Variants in STX4 observed in about 807,000 individuals in gnomAD.
The protein encoded by STX4 is syntaxin 4, also known as syntaxin-4.
In STX4, 24 loss-of-function variants were observed where a neutral mutation model predicts 41.8. That is an observed-to-expected ratio of 0.57 (90% CI 0.42 to 0.81). The LOEUF (loss-of-function observed/expected upper bound fraction) is 0.81. Among genes scored for constraint, STX4 ranks in the 30% least tolerant of loss-of-function variants. The pLI, the probability that STX4 is intolerant of heterozygous loss-of-function variation, is 0.00. For synonymous variants in STX4, 158 were observed against 156.4 expected, an observed-to-expected ratio of 1.01 and a Z score of -0.08; for missense variants, 316 against 389.9, an observed-to-expected ratio of 0.81 and a Z score of 1.60.
rs1037975946 is a variant in STX4, at chr16:31,039,725, G to C, written c.816G>C (p.Lys272Asn). 1 of 1,614,226 alleles carries C rather than the reference G, an allele frequency of 6.2e-7. No individual in the cohort carries two copies. The highest frequency in any genetic ancestry group is 8.5e-7 in the Non-Finnish European group (1 of 1,180,038). ...CCTGACCCCCTCCTCTCCCACAGAA[G>C]AAAGTCTTGATTGCCATCTGTGTGT... ...ALENQKKARK[K>N]KVLIAICVSI... Residue 272 changes from lysine to asparagine, a missense_variant and splice_region_variant, in exon 10 of 11, where the codon AAG (lysine) becomes AAC (asparagine). Coordinates refer to ENST00000313843, the MANE Select transcript of STX4 (RefSeq NM_004604.5). The surrounding 1 kb of genome is among the most constrained non-coding windows in gnomAD (Gnocchi z 4.1).
chr16:31,037,789 G>T (rs781434182), intron 5 of STX4, 137 bp from the exon 6 acceptor site: 12 of 766,788 alleles, frequency 1.6e-5, no homozygotes, highest in Non-Finnish European at 2.6e-5. Flanking sequence ...AGCCTGTCAA[G>T]GTCATCACAA....
In STX4 at chr16:31,034,301, C is replaced by G; in HGVS notation, c.208C>G (p.Leu70Val). 1 of 1,614,214 alleles carries G rather than the reference C, an allele frequency of 6.2e-7. No homozygotes were observed. Among genetic ancestry groups the G allele is most frequent in the Non-Finnish European group, 8.5e-7 (1 of 1,180,048 alleles). The stretch of plus-strand genomic sequence containing the variant: ...GTTGGAGAAACAGCAGGTCACCATC[C>G]TGGCCACGCCCCTTCCCGAGGAGAG... Reference protein sequence around the residue: ...QELEKQQVTILATPLPEESMK... With the variant: ...QELEKQQVTIVATPLPEESMK... Residue 70 changes from leucine to valine, a missense_variant, in exon 3 of 11, where the codon CTG becomes GTG. By Grantham distance (32) the Leu-to-Val change is conservative. Transcript: ENST00000313843.
At position 31,038,589 on chromosome 16, in the gene STX4, G is replaced by T. The variant is rs540497072; in HGVS notation, c.644G>T (p.Arg215Leu). 15 of 1,614,070 alleles carry T rather than the reference G, an allele frequency of 9.3e-6. No homozygotes were observed. Among genetic ancestry groups the T allele is most frequent in the Non-Finnish European group, 1.3e-5 (15 of 1,180,026 alleles). The change falls in exon 8 of 11, where the codon CGC (arginine) becomes CTC (leucine). Residue 215 changes from arginine (R) to leucine (L), a missense_variant. Arg to Leu is a moderately radical substitution (Grantham distance 102, BLOSUM62 -2). Coordinates refer to ENST00000313843, the MANE Select transcript of STX4 (RefSeq NM_004604.5). ...ARHSEIQQLERSIRELHDIFT... is the reference protein window; with the variant it reads ...ARHSEIQQLELSIRELHDIFT... ...CACAGTGAGATCCAGCAGCTTGAAC[G>T]CAGTATTCGTGAGCTGCACGACATA...
At chr16:31,033,327 T>C (rs973436530), upstream of STX4, 1 of 760,436 alleles carries the variant, frequency 1.3e-6, no homozygotes, top group South Asian at 1.5e-5. The surrounding 1 kb of genome is among the most constrained non-coding windows in gnomAD (Gnocchi z 5.5). Context: ...CATGGGGTGA[T>C]GTGAGATGCG....
intron 5 of STX4, 44 bp from the exon 6 acceptor site, chr16:31,037,882 A>G: frequency 1.9e-6 from 3 of 1,609,020 alleles, no homozygotes; most frequent in Non-Finnish European, 2.6e-6. Flanking sequence ...CCGACCGGGC[A>G]GGGATCCTCC....
At chr16:31,036,746 G>GT (rs905379820) in intron 5 of STX4, among the ~76,000 whole-genome samples, 1 of 152,142 alleles carries the variant, frequency 6.6e-6, no homozygotes, top group African/African-American at 2.4e-5. Flanking sequence ...CATTCAGAAG[G>GT]TAACATCTGA....
chr16:31,034,196 T>C (rs763051926), intron 2 of STX4, 30 bp from the exon 3 acceptor site: 4 of 1,613,900 alleles, frequency 2.5e-6, no homozygotes, highest in Middle Eastern at 1.7e-4. Context: ...ACCCCATATC[T>C]CTTTCAGCCC....
At chr16:31,036,276 A>T (rs1567389358) in intron 5 of STX4, among the ~76,000 whole-genome samples, 1 of 152,038 alleles carries the variant, frequency 6.6e-6, no homozygotes, top group African/African-American at 2.4e-5. Flanking sequence ...TATCTCTGGA[A>T]AAGGAACTCC....
rs936509024 is a variant in STX4, at chr16:31,040,100, T to C, written c.*204T>C. The C allele has an allele frequency of 6.1e-6, 3 of 489,916 alleles. No homozygotes were observed. Among genetic ancestry groups the C allele is most frequent in the Admixed American group, 3.5e-5 (1 of 28,364 alleles). The allele number at this position is 489,916 out of a possible 1,614,324, so 30.3% of individuals were successfully genotyped here. A position where few individuals can be genotyped will look rare whatever the true frequency, so the allele number is the denominator to read the frequency against. ...CAGGCCTCAATGCCTGGGGGAGGCC[T>C]GCACTGTCCTGATTGGCCGGGACAC... is the stretch of plus-strand genomic sequence containing the variant. On this transcript the variant is annotated 3_prime_UTR_variant, in exon 11 of 11. Coordinates refer to ENST00000313843, the MANE Select transcript of STX4 (RefSeq NM_004604.5).
chr16:31,037,898 G>C (rs765779850), intron 5 of STX4, 28 bp from the exon 6 acceptor site: 2 of 1,612,556 alleles, frequency 1.2e-6, no homozygotes, highest in East Asian at 4.5e-5. Flanking sequence ...CCTCCCAGGG[G>C]CACTCAGCCT....
rs903964919 is a variant in STX4 at position 31,038,640 on chromosome 16, A to G, written c.695A>G (p.Glu232Gly). Residue 232 changes from glutamate (E) to glycine (G), a missense_variant, in exon 8 of 11, where the codon GAG (glutamate) becomes GGG (glycine). Coordinates refer to ENST00000313843, the MANE Select transcript of STX4 (RefSeq NM_004604.5). ...DIFTFLATEVEMQGEMINRIE... is the reference protein window; with the variant it reads ...DIFTFLATEVGMQGEMINRIE... ...TTCACTTTTCTGGCTACCGAAGTGG[A>G]GATGCAGGTGGGTGCCCCGCGCAGC... 3.1e-6 allele frequency: 5 copies of G among 1,613,824 alleles called. No individual in the cohort carries two copies. The Admixed American group carries it at 8.3e-5, about 27-fold the overall frequency.
intron 4 of STX4, 129 bp downstream of exon 4, chr16:31,034,665 C>T (rs976824678): frequency 9.1e-7 from 1 of 1,093,764 alleles, no homozygotes; most frequent in Non-Finnish European, 1.3e-6. Flanking sequence ...GGTCTAGCAT[C>T]TGTCTCCTGG....
At chr16:31,038,735 T>C in intron 8 of STX4, 88 bp downstream of exon 8, 2 of 1,529,422 alleles carry the variant, frequency 1.3e-6, no homozygotes, top group Non-Finnish European at 1.8e-6. Context: ...TCCCTGAGGC[T>C]TTTGTGTCTT....
intron 3 of STX4, 67 bp from the exon 4 acceptor site, chr16:31,034,395 G>A: frequency 6.2e-7 from 1 of 1,608,402 alleles, no homozygotes; most frequent in Non-Finnish European, 8.5e-7. Context: ...TTCCACGCAG[G>A]TGGTGGCCAG....
chr16:31,038,322 C>A, intron 7 of STX4, 132 bp downstream of exon 7: 2 of 1,322,062 alleles, frequency 1.5e-6, no homozygotes, highest in Non-Finnish European at 2.1e-6. Flanking sequence ...TAGGTGCAAG[C>A]CACTGCACCC....
rs750471084 is a variant in STX4, at chr16:31,034,554, C to CA, written c.307+19dup. ...GCTGAAGGGTGAGCTCCTGGGACCT[C>CA]AGACAGATCCTTCCCTCTGATCCTG... On this transcript the variant is annotated intron_variant, in intron 4 of 10. Coordinates refer to ENST00000313843, the MANE Select transcript of STX4 (RefSeq NM_004604.5). 6.4e-7 allele frequency: 1 copy of CA among 1,558,180 alleles called. No individual in the cohort carries two copies. The highest frequency in any genetic ancestry group is 2.3e-5 in the East Asian group (1 of 44,152).
intron 4 of STX4, 80 bp from the exon 5 acceptor site, chr16:31,034,890 T>TA: frequency 7.9e-7 from 1 of 1,271,448 alleles, no homozygotes; most frequent in Non-Finnish European, 1.1e-6. Context: ...GGCTCAGCCT[T>TA]AGTCATTTTA....
chr16:31,039,552 C>T lies in STX4; in HGVS notation c.714C>T (p.Ile238=). The T allele has an allele frequency of 6.2e-7, 1 of 1,613,964 alleles. No individual in the cohort carries two copies. The highest frequency in any genetic ancestry group is 8.5e-7 in the Non-Finnish European group (1 of 1,180,022). Residue 238 remains isoleucine, a synonymous_variant, in exon 9 of 11, where the codon ATC becomes ATT. Coordinates refer to ENST00000313843, the MANE Select transcript of STX4 (RefSeq NM_004604.5). This position sits in a 1 kb window ranked among gnomAD's most constrained non-coding sequence, Gnocchi z 4.1. ...ATEVEMQGEM[I]NRIEKNILSS... is the part of the protein sequence containing the mutation. ...CATCCTCTGAGCAGGGGGAGATGAT[C>T]AATCGGATTGAGAAGAACATCCTGA...
chr16:31,035,013 C>T lies in STX4; in HGVS notation c.351C>T (p.Ser117=), dbSNP rs2056789084. 17 of 1,610,594 alleles carry T rather than the reference C, an allele frequency of 1.1e-5. No homozygotes were observed. The highest frequency in any genetic ancestry group is 2.7e-5 in the African/African-American group (2 of 74,684). ...QKEEADENYN[S]VNTRMRKTQH... is the part of the protein sequence containing the mutation. ...AGGAAGCTGATGAGAACTATAACTC[C>T]GTCAACACAAGAATGAGAAAAACCC... Residue 117 remains serine, a synonymous_variant, in exon 5 of 11, where the codon TCC becomes TCT. Coordinates refer to ENST00000313843, the MANE Select transcript of STX4 (RefSeq NM_004604.5).
Sources: gnomAD v4.1 joint callset for allele counts (sites outside exome capture counted in the v4.1 genomes callset) on GRCh38, gnomAD v4.1.1 for gene constraint, Gnocchi (gnomAD v3.1) non-coding constraint, MANE v1.5 for transcripts, NCBI Gene and HGNC (gene_info 2026-07-23, HGNC 2026-07-21) for gene names.